Variants in STK3 observed in about 807,000 individuals in gnomAD.
The protein encoded by STK3 is serine/threonine-protein kinase 3.
STK3 carries 41 observed loss-of-function variants against 58.0 expected under a neutral mutation model. That is an observed-to-expected ratio of 0.71 (90% CI 0.55 to 0.92). STK3 has a LOEUF of 0.92. Among genes scored for constraint, STK3 ranks in the 40% least tolerant of loss-of-function variants. The pLI is 0.00. For missense variants in STK3, 479 were observed against 602.7 expected (o/e 0.79, Z 2.15); for synonymous variants, 170 against 191.0 (o/e 0.89, Z 0.91).
chr8:98,667,344 C>T (rs1435374972), intron 6 of STK3, among the ~76,000 whole-genome samples: 1 of 152,104 alleles, frequency 6.6e-6, no homozygotes, highest in Non-Finnish European at 1.5e-5. Flanking sequence ...TTGGTACTAG[C>T]AGTGTTGCCG....
At chr8:98,832,398 A>G (rs560158733) in intron 3 of STK3, among the ~76,000 whole-genome samples, 1 of 152,138 alleles carries the variant, frequency 6.6e-6, no homozygotes, top group Non-Finnish European at 1.5e-5. Context: ...AAATTAAGCT[A>G]TATACTTCAA....
chr8:98,912,568 A>G (rs541848323), intron 1 of STK3, among the ~76,000 whole-genome samples: 1 of 152,264 alleles, frequency 6.6e-6, no homozygotes, highest in East Asian at 1.9e-4. Flanking sequence ...GTGCCCCACT[A>G]ACAACACTAT....
chr8:98,403,203 G>A (rs190890124), intron 3 of STK3, among the ~76,000 whole-genome samples: 62 of 152,330 alleles, frequency 4.1e-4, no homozygotes, highest in Non-Finnish European at 8.8e-5. Context: ...CCAGCTCAGG[G>A]TAGGCGTTTA....
At chr8:98,785,669 C>A (rs1007124929) in intron 1 of STK3, among the ~76,000 whole-genome samples, 6 of 152,178 alleles carry the variant, frequency 3.9e-5, no homozygotes, top group African/African-American at 1.2e-4. Context: ...TATACCCAGT[C>A]ACACTGGCAA....
chr8:98,710,975 G>C (rs570356643), intron 4 of STK3, among the ~76,000 whole-genome samples: 2 of 152,182 alleles, frequency 1.3e-5, no homozygotes, highest in Non-Finnish European at 2.9e-5. Flanking sequence ...AACATTTGCT[G>C]TTCACCAATA....
In STK3 at chr8:98,843,758, T is replaced by C. The variant is rs1386573053; in HGVS notation, c.110+39889A>G. Among the ~76,000 whole-genome samples the C allele has an allele frequency of 2.6e-5, 4 of 152,374 alleles. No homozygotes were observed. In the East Asian group the frequency reaches 7.7e-4, roughly 29 times the overall value. On this transcript the variant is annotated intron_variant, in intron 3 of 12. Coordinates refer to the STK3 transcript ENST00000523601. ...GAAGCCGTGCCTGGTGGCTCACGCC[T>C]GTAATCCCAGCACTTTGGGAGGCTG...
chr8:98,798,007 G>A (rs1327530253), intron 1 of STK3, among the ~76,000 whole-genome samples: 1 of 152,162 alleles, frequency 6.6e-6, no homozygotes, highest in Non-Finnish European at 1.5e-5. Context: ...TATAGAAAGA[G>A]AAGCAATCTT....
chr8:98,689,440 G>A (rs1277556889), intron 6 of STK3, among the ~76,000 whole-genome samples: 5 of 151,960 alleles, frequency 3.3e-5, no homozygotes, highest in Non-Finnish European at 5.9e-5. Flanking sequence ...GAAAATTACA[G>A]GCCAATATCC....
At chr8:98,830,918 C>T (rs375031830) in intron 3 of STK3, among the ~76,000 whole-genome samples, 3 of 138,492 alleles carry the variant, frequency 2.2e-5, no homozygotes, top group Admixed American at 8.1e-5. Flanking sequence ...TGCAGTGAGC[C>T]GAGATAGTGC....
At chr8:98,411,106 A>C (rs941641055) in intron 3 of STK3, among the ~76,000 whole-genome samples, 12 of 152,234 alleles carry the variant, frequency 7.9e-5, no homozygotes, top group Non-Finnish European at 1.2e-4. Context: ...AACCCACATA[A>C]ATTTGAGTGT....
At chr8:98,542,731 T>C (rs972470186) in intron 9 of STK3, among the ~76,000 whole-genome samples, 1 of 152,228 alleles carries the variant, frequency 6.6e-6, no homozygotes, top group Admixed American at 6.5e-5. Flanking sequence ...ATGAATATTA[T>C]CCTTTATTGA....
intron 7 of STK3, among the ~76,000 whole-genome samples, chr8:98,590,537 T>A (rs1815210003): frequency 6.6e-6 from 1 of 152,132 alleles, no homozygotes; most frequent in Non-Finnish European, 1.5e-5. Context: ...AGGTCCTAGG[T>A]GGATCTTTCT....
chr8:98,459,168 A>T (rs1171420903), intron 10 of STK3, among the ~76,000 whole-genome samples: 2 of 152,236 alleles, frequency 1.3e-5, no homozygotes, highest in African/African-American at 4.8e-5. Context: ...GTGGTCTCAG[A>T]CGAACATGAG....
intron 6 of STK3, among the ~76,000 whole-genome samples, chr8:98,646,486 G>C (rs979203773): frequency 6.6e-6 from 1 of 152,150 alleles, no homozygotes; most frequent in Non-Finnish European, 1.5e-5. Context: ...CTATGCAAAA[G>C]AGAAGACAGC....
intron 6 of STK3, among the ~76,000 whole-genome samples, chr8:98,688,160 A>T (rs1339990723): frequency 1.3e-5 from 2 of 152,228 alleles, no homozygotes; most frequent in Non-Finnish European, 2.9e-5. Flanking sequence ...ACGACTGTAA[A>T]AAAGGACAAA....
chr8:98,636,181 A>G (rs139728092), intron 6 of STK3, among the ~76,000 whole-genome samples: 17 of 152,268 alleles, frequency 1.1e-4, no homozygotes, highest in African/African-American at 2.6e-4. Flanking sequence ...GATAAAGATT[A>G]TAATTATTCT....
chr8:98,801,452 C>G (rs752957342), intron 1 of STK3, among the ~76,000 whole-genome samples: 10 of 152,160 alleles, frequency 6.6e-5, no homozygotes, highest in Non-Finnish European at 1.5e-4. Flanking sequence ...CTCTTTGGGT[C>G]TGCACTGCCT....
At chr8:98,672,046 G>A (rs995816285) in intron 6 of STK3, among the ~76,000 whole-genome samples, 2 of 152,130 alleles carry the variant, frequency 1.3e-5, no homozygotes, top group South Asian at 4.2e-4. Flanking sequence ...CAGCCATGTG[G>A]AACTGTGCAT....
chr8:98,678,337 G>T (rs1281112767), intron 6 of STK3, among the ~76,000 whole-genome samples: 1 of 152,030 alleles, frequency 6.6e-6, no homozygotes, highest in African/African-American at 2.4e-5. Flanking sequence ...GAATTGATAT[G>T]CTACACCTTA....
Sources: gnomAD v4.1 joint callset for allele counts (sites outside exome capture counted in the v4.1 genomes callset) on GRCh38, gnomAD v4.1.1 for gene constraint, MANE v1.5 for transcripts, NCBI Gene and HGNC (gene_info 2026-07-23, HGNC 2026-07-21) for gene names.